EIF3H: variants seen among roughly 807,000 people sequenced by gnomAD.
EIF3H encodes the protein eukaryotic translation initiation factor 3 subunit H, also known as eIF-3-gamma.
Under a neutral mutation model 44.2 loss-of-function variants are expected in EIF3H, and 26 were observed. The observed-to-expected ratio is 0.59, with a 90% CI of 0.43 to 0.82. EIF3H has a LOEUF of 0.82. Ranked by LOEUF, EIF3H falls within the 40% of genes least tolerant of loss-of-function variation. The pLI is 0.00. For synonymous variants in EIF3H, 166 were observed against 151.9 expected (o/e 1.09, Z -0.68); for missense variants, 359 against 432.8 (o/e 0.83, Z 1.51).
chr8:116,710,553 T>C (rs1419698150), intron 2 of EIF3H, among the ~76,000 whole-genome samples: 1 of 152,208 alleles, frequency 6.6e-6, no homozygotes, highest in Non-Finnish European at 1.5e-5. Context: ...TTTCTAAAAA[T>C]CTGGTGTTAA....
At chr8:116,702,926 C>A (rs949765002) in intron 2 of EIF3H, among the ~76,000 whole-genome samples, 4 of 152,052 alleles carry the variant, frequency 2.6e-5, no homozygotes, top group Admixed American at 2.6e-4. Context: ...ACTGTTCCAC[C>A]TCAGATCATC....
At chr8:116,674,322 G>T (rs1400180106) in intron 2 of EIF3H, among the ~76,000 whole-genome samples, 2 of 122,520 alleles carry the variant, frequency 1.6e-5, no homozygotes, top group Non-Finnish European at 3.2e-5. Flanking sequence ...GGGTGGAGGT[G>T]GGGGGGGGTG....
chr8:116,682,460 C>T (rs559087774), intron 2 of EIF3H, among the ~76,000 whole-genome samples: 1 of 152,274 alleles, frequency 6.6e-6, no homozygotes, highest in South Asian at 2.1e-4. Flanking sequence ...TGTAGGCACT[C>T]CCTCCAAAAA....
intron 2 of EIF3H, among the ~76,000 whole-genome samples, chr8:116,689,872 G>A (rs915890926): frequency 2.0e-5 from 3 of 152,152 alleles, no homozygotes; most frequent in African/African-American, 7.2e-5. Flanking sequence ...TGAGTAAAAT[G>A]AATGGCACAA....
At chr8:116,759,906 C>A (rs1368039858), upstream of EIF3H, among the ~76,000 whole-genome samples, 1 of 152,094 alleles carries the variant, frequency 6.6e-6, no homozygotes, top group Non-Finnish European at 1.5e-5. Context: ...AATTTTTGTA[C>A]TTTTTGTAGA....
chr8:116,690,484 CAGG>C (rs1444151282), intron 2 of EIF3H, among the ~76,000 whole-genome samples: 1 of 152,116 alleles, frequency 6.6e-6, no homozygotes, highest in African/African-American at 2.4e-5. Flanking sequence ...TGCTTGAGCC[CAGG>C]AGATCATGAC....
intron 2 of EIF3H, among the ~76,000 whole-genome samples, chr8:116,685,460 G>T (rs533892583): frequency 6.6e-6 from 1 of 152,246 alleles, no homozygotes; most frequent in South Asian, 2.1e-4. Flanking sequence ...CTTCGGTTCA[G>T]AACACGTAGC....
chr8:116,716,126 C>T (rs1333863369), intron 2 of EIF3H, among the ~76,000 whole-genome samples: 1 of 152,022 alleles, frequency 6.6e-6, no homozygotes, highest in Non-Finnish European at 1.5e-5. Flanking sequence ...CAGAACAATA[C>T]AAAACATTAA....
chr8:116,754,034 G>A (rs1815401360), intron 1 of EIF3H, among the ~76,000 whole-genome samples: 1 of 151,946 alleles, frequency 6.6e-6, no homozygotes, highest in Admixed American at 6.5e-5. Flanking sequence ...CTAAAGATAC[G>A]TCATTTATTC....
Position 116,668,167 on chromosome 8 carries a change from TCATTTAGAA to T in EIF3H, c.290-9196_290-9188del, listed in dbSNP as rs1305401322. On this transcript the variant is annotated intron_variant, in intron 2 of 7. Transcript: ENST00000521861. ...GACTTTGTTTTCCTCAAGGCAAAAA[TCATTTAGAA>T]CATTTCTAAAAATTTTAAATGGCAT... 3.3e-5 allele frequency among the ~76,000 whole-genome samples: 5 copies of T among 152,212 alleles called. No individual in the cohort carries two copies. The East Asian group carries it at 9.6e-4, about 29-fold the overall frequency.
intron 2 of EIF3H, among the ~76,000 whole-genome samples, chr8:116,701,666 T>A (rs1814377341): frequency 6.6e-6 from 1 of 152,210 alleles, no homozygotes; most frequent in African/African-American, 2.4e-5. Flanking sequence ...ATGGGGATTA[T>A]TCTTCCCTAC....
chr8:116,669,013 G>A (rs1006247342), intron 2 of EIF3H, among the ~76,000 whole-genome samples: 3 of 152,226 alleles, frequency 2.0e-5, no homozygotes, highest in Non-Finnish European at 2.9e-5. Context: ...GGCGACGGGG[G>A]AAATCAGGAA....
chr8:116,664,884 G>C (rs1441233327), intron 2 of EIF3H, among the ~76,000 whole-genome samples: 1 of 152,166 alleles, frequency 6.6e-6, no homozygotes, highest in African/African-American at 2.4e-5. Context: ...AACACAGCCT[G>C]TAGGGAAAGA....
At chr8:116,690,533 T>A (rs546213304) in intron 2 of EIF3H, among the ~76,000 whole-genome samples, 2 of 152,068 alleles carry the variant, frequency 1.3e-5, no homozygotes, top group Admixed American at 1.3e-4. Flanking sequence ...CATCTCTAAA[T>A]AAACAAAACA....
intron 2 of EIF3H, among the ~76,000 whole-genome samples, chr8:116,673,320 A>G (rs553660054): frequency 1.6e-4 from 24 of 152,346 alleles, no homozygotes; most frequent in Admixed American, 2.0e-4. Context: ...CTAAAAATTA[A>G]TATTTCAATT....
chr8:116,682,368 C>G (rs1339962399), intron 2 of EIF3H, among the ~76,000 whole-genome samples: 1 of 152,186 alleles, frequency 6.6e-6, no homozygotes, highest in African/African-American at 2.4e-5. Context: ...ATTTTACTTG[C>G]TTTTGCTGCC....
intron 1 of EIF3H, among the ~76,000 whole-genome samples, chr8:116,746,480 A>C (rs1195768716): frequency 6.6e-6 from 1 of 152,242 alleles, no homozygotes; most frequent in African/African-American, 2.4e-5. Context: ...AACACAGAAT[A>C]ACTACTGGGG....
intron 2 of EIF3H, among the ~76,000 whole-genome samples, chr8:116,708,783 T>C (rs1814515583): frequency 6.6e-6 from 1 of 152,092 alleles, no homozygotes; most frequent in South Asian, 2.1e-4. Context: ...AATTGAATTA[T>C]ACCAAACATC....
At chr8:116,760,580 CAACT>C (rs547600910), upstream of EIF3H, among the ~76,000 whole-genome samples, 18 of 152,054 alleles carry the variant, frequency 1.2e-4, no homozygotes, top group East Asian at 3.5e-3. Context: ...CATCACTTAC[CAACT>C]AATATTTAAA....
Sources: gnomAD v4.1 joint callset for allele counts (sites outside exome capture counted in the v4.1 genomes callset) on GRCh38, gnomAD v4.1.1 for gene constraint, MANE v1.5 for transcripts, NCBI Gene and HGNC (gene_info 2026-07-23, HGNC 2026-07-21) for gene names.